Variants in PRTFDC1 observed in about 807,000 individuals in gnomAD.
PRTFDC1 encodes the protein phosphoribosyltransferase domain-containing protein 1.
Under a neutral mutation model 34.6 loss-of-function variants are expected in PRTFDC1, and 38 were observed. That is an observed-to-expected ratio of 1.10 (90% CI 0.85 to 1.44). PRTFDC1 has a LOEUF of 1.44. Among genes scored for constraint, PRTFDC1 ranks in the 40% most tolerant of loss-of-function variants. PRTFDC1 has a pLI of 0.00. For missense variants in PRTFDC1, 270 were observed against 283.0 expected (o/e 0.95, Z 0.33); for synonymous variants, 93 against 98.1 (o/e 0.95, Z 0.31).
Position 24,886,956 on chromosome 10 carries a change from C to CTTTTTTTT in PRTFDC1, c.340-14901_340-14894dup, listed in dbSNP as rs57910963. 3.3e-3 allele frequency among the ~76,000 whole-genome samples: 287 copies of CTTTTTTTT among 86,398 alleles called. 8 individuals are homozygous for CTTTTTTTT. The highest frequency in any genetic ancestry group is 8.5e-3 in the Middle Eastern group (1 of 118). The allele number at this position is 86,398 out of a possible 152,430, so 56.7% of individuals were successfully genotyped here. A position where few individuals can be genotyped will look rare whatever the true frequency, so the allele number is the denominator to read the frequency against. ...TCTTTGTATCTTGTTAATACTCCTT[C>CTTTTTTTT]TTTTTTTTTTTTTTTTTTTTTTTTT... On this transcript the variant is annotated intron_variant, in intron 3 of 8. Transcript: ENST00000320152.
chr10:24,886,954 T>A (rs1848177228), intron 3 of PRTFDC1, among the ~76,000 whole-genome samples: 1 of 112,452 alleles, frequency 8.9e-6, no homozygotes, highest in African/African-American at 3.6e-5. Flanking sequence ...TTAATACTCC[T>A]TCTTTTTTTT....
chr10:24,856,384 C>G (rs533948563), intron 6 of PRTFDC1, among the ~76,000 whole-genome samples: 1 of 150,804 alleles, frequency 6.6e-6, no homozygotes, highest in Admixed American at 6.6e-5. Context: ...GTCAGGAGTT[C>G]CAGACCAGCC....
intron 4 of PRTFDC1, among the ~76,000 whole-genome samples, chr10:24,871,610 A>G (rs753300198): frequency 1.3e-4 from 20 of 151,812 alleles, no homozygotes; most frequent in Middle Eastern, 3.4e-3. Context: ...ACCTGTGTAA[A>G]TGTCTTACTG....
At position 24,858,382 on chromosome 10, in the gene PRTFDC1, G is replaced by GC. The variant is rs768328371; in HGVS notation, c.423+9dup. On this transcript the variant is annotated intron_variant, in intron 5 of 8. Coordinates refer to ENST00000320152, the MANE Select transcript of PRTFDC1 (RefSeq NM_020200.7). ...AACCTCCAAGTATGGAAAAGGAAAT[G>GC]CCAGCTTACCTCAACAATGAGAACA... is the stretch of plus-strand genomic sequence containing the variant. 6.2e-7 allele frequency: 1 copy of GC among 1,612,486 alleles called. No individual in the cohort carries two copies.
intron 3 of PRTFDC1, among the ~76,000 whole-genome samples, chr10:24,898,433 C>T (rs191523952): frequency 2.6e-3 from 361 of 138,636 alleles, no homozygotes; most frequent in African/African-American, 9.1e-3. Context: ...CACTGTACTC[C>T]GGCCCGGGTG....
At chr10:24,876,459 G>A (rs953707785) in intron 3 of PRTFDC1, among the ~76,000 whole-genome samples, 1 of 152,112 alleles carries the variant, frequency 6.6e-6, no homozygotes, top group African/African-American at 2.4e-5. Context: ...ACTTTGGGAG[G>A]CCGAGGCAGG....
chr10:24,907,941 G>C lies in PRTFDC1; in HGVS notation c.339+29243C>G, dbSNP rs144121761. On this transcript the variant is annotated intron_variant, in intron 3 of 8. Coordinates refer to ENST00000320152, the MANE Select transcript of PRTFDC1 (RefSeq NM_020200.7). ...AAAAGACTATTTCATTCTAGGGCTA[G>C]GCAACAAAATGGCATGACCTTTGTC... Among the ~76,000 whole-genome samples the C allele has an allele frequency of 4.4e-3, 671 of 152,250 alleles. 6 individuals are homozygous for C. Among genetic ancestry groups the C allele is most frequent in the African/African-American group, 0.015 (609 of 41,532 alleles).
At chr10:24,850,954 G>T (rs1164225681) in intron 8 of PRTFDC1, among the ~76,000 whole-genome samples, 1 of 152,104 alleles carries the variant, frequency 6.6e-6, no homozygotes, top group East Asian at 1.9e-4. Flanking sequence ...CCACACTGGG[G>T]GTCCACGTCT....
intron 3 of PRTFDC1, among the ~76,000 whole-genome samples, chr10:24,893,242 C>T (rs1354068707): frequency 6.6e-6 from 1 of 151,258 alleles, no homozygotes; most frequent in African/African-American, 2.4e-5. Context: ...TTTCTGAAAA[C>T]ACTGATTCTT....
rs890809106 is a variant in PRTFDC1, at chr10:24,952,252, T to G, written c.48+276A>C. Among the ~76,000 whole-genome samples the G allele has an allele frequency of 3.2e-4, 49 of 151,750 alleles. No individual in the cohort carries two copies. Among genetic ancestry groups the G allele is most frequent in the African/African-American group, 1.1e-3 (47 of 41,392 alleles). On this transcript the variant is annotated intron_variant, in intron 1 of 8. Transcript: ENST00000320152. This position sits in a 1 kb window ranked among gnomAD's most constrained non-coding sequence, Gnocchi z 5.1. ...CGTGGCTCGCGGGGATGGGGACGGC[T>G]GGGCGCCGGCGGGACGCTGCAGGAG...
intron 4 of PRTFDC1, among the ~76,000 whole-genome samples, chr10:24,862,534 A>T (rs1588575728): frequency 6.6e-6 from 1 of 151,696 alleles, no homozygotes; most frequent in African/African-American, 2.4e-5. Context: ...ACCATCACGC[A>T]TGCATAATTT....
chr10:24,870,060 C>T (rs953770895), intron 4 of PRTFDC1, among the ~76,000 whole-genome samples: 2 of 152,112 alleles, frequency 1.3e-5, no homozygotes, highest in Non-Finnish European at 2.9e-5. Context: ...GTAAACATTG[C>T]AACTTGTGGA....
At chr10:24,857,043 CA>C in intron 5 of PRTFDC1, 48 bp from the exon 6 acceptor site, 1 of 1,474,178 alleles carries the variant, frequency 6.8e-7, no homozygotes, top group South Asian at 1.1e-5. Flanking sequence ...TTGAGCAGCA[CA>C]ATAGACTTTT....
chr10:24,875,726 A>T (rs1011507902), intron 3 of PRTFDC1, among the ~76,000 whole-genome samples: 1 of 151,960 alleles, frequency 6.6e-6, no homozygotes, highest in Non-Finnish European at 1.5e-5. Context: ...TGTAAGGGTC[A>T]GTTTCTATAT....
At chr10:24,915,154 A>G (rs910647147) in intron 3 of PRTFDC1, among the ~76,000 whole-genome samples, 4 of 152,072 alleles carry the variant, frequency 2.6e-5, no homozygotes, top group African/African-American at 9.7e-5. Context: ...AGAAGAGAAC[A>G]CTAAGATTCA....
chr10:24,936,454 A>T (rs1282645245), intron 3 of PRTFDC1, among the ~76,000 whole-genome samples: 1 of 151,788 alleles, frequency 6.6e-6, no homozygotes, highest in Admixed American at 6.6e-5. Context: ...AATTTTAAAA[A>T]TTTTCTTTTT....
chr10:24,864,609 C>T (rs1045742021), intron 4 of PRTFDC1, among the ~76,000 whole-genome samples: 11 of 152,254 alleles, frequency 7.2e-5, no homozygotes, highest in African/African-American at 2.4e-4. Flanking sequence ...AGTTATGTGC[C>T]TTATTTTTTA....
rs752957152 is a variant in PRTFDC1, at chr10:24,943,075, T to G, written c.49-639A>C. Among the ~76,000 whole-genome samples, 4 of 149,074 alleles carry G rather than the reference T, an allele frequency of 2.7e-5. No homozygotes were observed. In the Admixed American group the frequency reaches 2.7e-4, roughly 10 times the overall value. On this transcript the variant is annotated intron_variant, in intron 1 of 8. Coordinates refer to ENST00000320152, the MANE Select transcript of PRTFDC1 (RefSeq NM_020200.7). Reference sequence around the variant, plus strand: ...TTATAATATATAATATATTTAAATATAAATATATCATAATAAACAACATAT... The same window carrying G: ...TTATAATATATAATATATTTAAATAGAAATATATCATAATAAACAACATAT...
chr10:24,894,392 G>A (rs950995828), intron 3 of PRTFDC1, among the ~76,000 whole-genome samples: 16 of 151,898 alleles, frequency 1.1e-4, no homozygotes, highest in African/African-American at 2.4e-4. Flanking sequence ...CCCTTTGGCC[G>A]TGGGAAGTGC....
Sources: gnomAD v4.1 joint callset for allele counts (sites outside exome capture counted in the v4.1 genomes callset) on GRCh38, gnomAD v4.1.1 for gene constraint, Gnocchi (gnomAD v3.1) non-coding constraint, MANE v1.5 for transcripts, NCBI Gene and HGNC (gene_info 2026-07-23, HGNC 2026-07-21) for gene names.